The following FRYL variants were observed in gnomAD, a reference collection of about 807,000 sequenced individuals.
The protein encoded by FRYL is FRY like transcription coactivator, also known as protein furry homolog-like.
FRYL carries 150 observed loss-of-function variants against 351.2 expected under a neutral mutation model. The ratio of observed to expected loss-of-function variants is 0.43; its 90% CI spans 0.37 to 0.49. The LOEUF (loss-of-function observed/expected upper bound fraction) is 0.49, where lower values mean the gene tolerates loss of function less well. Among genes scored for constraint, FRYL ranks in the 20% least tolerant of loss-of-function variants. FRYL has a pLI of 0.00. For synonymous variants in FRYL, 1,153 were observed against 1,257.1 expected, an observed-to-expected ratio of 0.92 and a Z score of 1.75; for missense variants, 3,036 against 3,619.3, an observed-to-expected ratio of 0.84 and a Z score of 4.13.
chr4:48,634,243 T>C, intron 4 of FRYL, 48 bp downstream of exon 4: 3 of 1,388,312 alleles, frequency 2.2e-6, no homozygotes, highest in Non-Finnish European at 3.1e-6. Flanking sequence ...TAGTGGTTAA[T>C]ACAAAAGTCA....
At chr4:48,512,171 A>G (rs1722619945) in intron 57 of FRYL, among the ~76,000 whole-genome samples, 1 of 152,298 alleles carries the variant, frequency 6.6e-6, no homozygotes, top group Non-Finnish European at 1.5e-5. Context: ...AGCTCCCTGA[A>G]GGCAGAGCTT....
Position 48,740,289 on chromosome 4 carries a change from A to ATTT in FRYL, c.-383-29594_-383-29592dup, listed in dbSNP as rs71191255. ...AATTCAACAATAAGAAAACAATCTG[A>ATTT]TTTTTTTTTTTTTTTTTTTTTTTGA... On this transcript the variant is annotated intron_variant, in intron 1 of 63. Transcript: ENST00000358350. Among the ~76,000 whole-genome samples, 519 of 97,872 alleles carry ATTT rather than the reference A, an allele frequency of 5.3e-3. 7 individuals carry two copies. The highest frequency in any genetic ancestry group is 9.9e-3 in the African/African-American group (233 of 23,616). 64.2% of individuals were successfully genotyped at this position (97,872 alleles called of 152,430 possible). A position where few individuals can be genotyped will look rare whatever the true frequency, so the allele number is the denominator to read the frequency against.
chr4:48,768,600 T>G (rs1324638189), intron 1 of FRYL, among the ~76,000 whole-genome samples: 1 of 151,924 alleles, frequency 6.6e-6, no homozygotes, highest in Admixed American at 6.6e-5. Flanking sequence ...GTCAGGAGTT[T>G]GAGACTAGCC....
In FRYL at chr4:48,567,416, T is replaced by C; in HGVS notation, c.3001A>G (p.Ser1001Gly). 2 of 1,594,196 alleles carry C rather than the reference T, an allele frequency of 1.3e-6. No individual in the cohort carries two copies. Among genetic ancestry groups the C allele is most frequent in the Non-Finnish European group, 1.7e-6 (2 of 1,173,388 alleles). Reference sequence around the variant, plus strand: ...TGTGTTTCATTATCAAGGCCACCACTTGCACTGAAAATATTGAAGAAAACA... The same window carrying C: ...TGTGTTTCATTATCAAGGCCACCACCTGCACTGAAAATATTGAAGAAAACA... ...ADAGVISHSA[S>G]GGLDNETHFL... Residue 1001 changes from serine (S) to glycine (G), a missense_variant, in exon 28 of 64, where the codon AGT becomes GGT. By Grantham distance (56) the Ser-to-Gly change is moderately conservative. Coordinates refer to ENST00000358350, the MANE Select transcript of FRYL (RefSeq NM_015030.2). The surrounding 1 kb of genome is among the most constrained non-coding windows in gnomAD (Gnocchi z 4.2).
intron 4 of FRYL, among the ~76,000 whole-genome samples, chr4:48,628,431 C>CGTGTGTGTGTGTGT (rs397993302): frequency 0.025 from 3,683 of 144,698 alleles, 91 homozygotes; most frequent in South Asian, 0.036. Flanking sequence ...CCTTCATTTG[C>CGTGTGTGTGTGTGT]GTGTGTGTGT....
intron 1 of FRYL, among the ~76,000 whole-genome samples, chr4:48,767,967 G>A (rs1775140270): frequency 6.6e-6 from 1 of 152,300 alleles, no homozygotes; most frequent in Middle Eastern, 3.4e-3. Context: ...GATTGATTTG[G>A]AGTCAAATGT....
intron 17 of FRYL, 144 bp downstream of exon 17, chr4:48,590,515 A>C (rs577507192): frequency 1.6e-4 from 90 of 548,848 alleles, no homozygotes; most frequent in Middle Eastern, 1.0e-3. Context: ...AACAAAAAAA[A>C]CCCAGAAGTA....
chr4:48,550,810 A>C (rs1262857826), intron 37 of FRYL, 106 bp from the exon 38 acceptor site: 2 of 849,344 alleles, frequency 2.4e-6, no homozygotes, highest in Non-Finnish European at 3.9e-6. Context: ...GCCATGGTTC[A>C]AGCCTGTAAT....
chr4:48,661,288 A>G (rs905991666), intron 3 of FRYL, among the ~76,000 whole-genome samples: 2 of 152,224 alleles, frequency 1.3e-5, no homozygotes, highest in Non-Finnish European at 2.9e-5. Context: ...ATAAATAATT[A>G]CAACATTGTA....
chr4:48,685,379 T>C (rs574105560), intron 2 of FRYL, among the ~76,000 whole-genome samples: 2 of 152,296 alleles, frequency 1.3e-5, no homozygotes, highest in East Asian at 3.9e-4. Context: ...TAAATAAATT[T>C]TAATCTATAG....
Position 48,498,984 on chromosome 4 carries a change from T to A in FRYL, c.*438A>T, listed in dbSNP as rs1049847648. 3 of 180,600 alleles carry A rather than the reference T, an allele frequency of 1.7e-5. No homozygotes were observed. Among genetic ancestry groups the A allele is most frequent in the African/African-American group, 7.2e-5 (3 of 41,660 alleles). 11.2% of individuals were successfully genotyped at this position (180,600 alleles called of 1,614,324 possible). ...ATTAAGCATCAATTGCAGGTTAGGT[T>A]TTCAACTGCTAGAAATCCAAGCAGC... On this transcript the variant is annotated 3_prime_UTR_variant, in exon 64 of 64. Transcript: ENST00000358350.
At position 48,500,167 on chromosome 4, in the gene FRYL, A is replaced by T. The variant is rs576992241; in HGVS notation, c.8646T>A (p.Ala2882=). The change falls in exon 63 of 64, where the codon GCT becomes GCA. Residue 2882 remains alanine, a synonymous_variant. Transcript: ENST00000358350. ...LAQLESILKE[A]ESASENEEID... ...TTTCTTCGTTTTCGGAAGCGGACTCAGCTTCTTTGAGGATACTTTCCAGTT... is the reference window on the plus strand; with the variant it reads ...TTTCTTCGTTTTCGGAAGCGGACTCTGCTTCTTTGAGGATACTTTCCAGTT... The T allele has an allele frequency of 6.2e-7, 1 of 1,604,956 alleles. No homozygotes were observed. Among genetic ancestry groups the T allele is most frequent in the Non-Finnish European group, 8.5e-7 (1 of 1,178,194 alleles).
At chr4:48,545,395 G>GTTAC (rs1395084822) in intron 42 of FRYL, among the ~76,000 whole-genome samples, 3 of 152,100 alleles carry the variant, frequency 2.0e-5, no homozygotes, top group Non-Finnish European at 2.9e-5. Context: ...AAAGTGCCCT[G>GTTAC]AGAACCTGCT....
Position 48,542,010 on chromosome 4 carries a change from C to T in FRYL, c.5687+17G>A, listed in dbSNP as rs1300859247. On this transcript the variant is annotated intron_variant, in intron 45 of 63. Coordinates refer to ENST00000358350, the MANE Select transcript of FRYL (RefSeq NM_015030.2). ...TCAAGTTCTCTCTATATTAGGTTGC[C>T]TGGTTTAAATTCTTACTGAGAAAGG... 3 of 1,572,068 alleles carry T rather than the reference C, an allele frequency of 1.9e-6. No individual in the cohort carries two copies. Among genetic ancestry groups the T allele is most frequent in the Non-Finnish European group, 2.6e-6 (3 of 1,142,206 alleles).
chr4:48,676,231 C>A (rs553910353), intron 3 of FRYL, among the ~76,000 whole-genome samples: 1 of 152,290 alleles, frequency 6.6e-6, no homozygotes, highest in African/African-American at 2.4e-5. Flanking sequence ...TCCCTCTTTG[C>A]AATAAATCTT....
At chr4:48,690,533 A>C (rs985045964) in intron 2 of FRYL, among the ~76,000 whole-genome samples, 2 of 152,192 alleles carry the variant, frequency 1.3e-5, no homozygotes, top group African/African-American at 4.8e-5. Context: ...AGTCTCTGGA[A>C]GATGATACGC....
At chr4:48,698,991 T>A (rs549783383) in intron 2 of FRYL, among the ~76,000 whole-genome samples, 1 of 152,294 alleles carries the variant, frequency 6.6e-6, no homozygotes, top group East Asian at 1.9e-4. Flanking sequence ...GCCTACTATG[T>A]GTGACCATCT....
chr4:48,775,533 G>A (rs1261268032), intron 1 of FRYL, among the ~76,000 whole-genome samples: 1 of 152,140 alleles, frequency 6.6e-6, no homozygotes, highest in Non-Finnish European at 1.5e-5. Context: ...CTTAAAGAAG[G>A]ACGTGGAACA....
At chr4:48,598,836 G>A in intron 13 of FRYL, 1 of 984,444 alleles carries the variant, frequency 1.0e-6, no homozygotes. Context: ...CACCTGGAGT[G>A]TTTCTATTTG....
Sources: allele counts gnomAD v4.1 joint callset (sites outside exome capture counted in the v4.1 genomes callset), GRCh38; gene constraint gnomAD v4.1.1; non-coding constraint Gnocchi (gnomAD v3.1); transcripts MANE v1.5; gene names NCBI Gene and HGNC (gene_info 2026-07-23, HGNC 2026-07-21).